Variants in TAOK1 observed in about 807,000 individuals in gnomAD.
TAOK1 encodes TAO kinase 1.
TAOK1 carries 21 observed loss-of-function variants against 138.3 expected under a neutral mutation model. The ratio of observed to expected loss-of-function variants is 0.15; its 90% CI spans 0.11 to 0.22. The LOEUF (loss-of-function observed/expected upper bound fraction) is 0.22. Among genes scored for constraint, TAOK1 ranks in the 10% least tolerant of loss-of-function variants. The probability of loss-of-function intolerance (pLI) is 1.00; values close to 1 mark genes in which losing one functional copy is unlikely to be tolerated. For synonymous variants in TAOK1, 361 were observed against 398.4 expected, an observed-to-expected ratio of 0.91 and a Z score of 1.12; for missense variants, 651 against 1,227.7, an observed-to-expected ratio of 0.53 and a Z score of 7.02.
chr17:29,462,360 A>G (rs1392406036), intron 2 of TAOK1, among the ~76,000 whole-genome samples: 1 of 152,226 alleles, frequency 6.6e-6, no homozygotes, highest in Non-Finnish European at 1.5e-5. Context: ...TTAGTTTCCA[A>G]CACCTTAAAT....
At chr17:29,474,593 G>A (rs2030899684) in intron 3 of TAOK1, among the ~76,000 whole-genome samples, 1 of 152,174 alleles carries the variant, frequency 6.6e-6, no homozygotes, top group African/African-American at 2.4e-5. Flanking sequence ...GTGGAACTGT[G>A]AGAATACATG....
intron 7 of TAOK1, among the ~76,000 whole-genome samples, 200 bp downstream of exon 7, chr17:29,480,681 C>T (rs544813440): frequency 6.6e-6 from 1 of 151,820 alleles, no homozygotes; most frequent in Admixed American, 6.6e-5. Flanking sequence ...CCAGCCTGGC[C>T]AACATGGTGA....
intron 19 of TAOK1, 147 bp from the exon 20 acceptor site, chr17:29,542,414 A>G (rs1267249047): frequency 1.5e-6 from 1 of 659,510 alleles, no homozygotes; most frequent in Non-Finnish European, 2.3e-6. Context: ...AATAAATTAA[A>G]GGGAAAAAGT....
chr17:29,503,178 C>G (rs189173015), intron 13 of TAOK1, among the ~76,000 whole-genome samples: 2 of 151,918 alleles, frequency 1.3e-5, no homozygotes, highest in East Asian at 3.9e-4. Flanking sequence ...GGGCGGATCA[C>G]GAGGTCAGGA....
chr17:29,511,163 C>T (rs2153029615), intron 15 of TAOK1, 171 bp downstream of exon 15: 1 of 411,214 alleles, frequency 2.4e-6, no homozygotes, highest in Non-Finnish European at 4.3e-6. Context: ...TTAACTGAGT[C>T]ATTTAGTTGA....
At chr17:29,397,312 G>A (rs1367320788) in intron 1 of TAOK1, among the ~76,000 whole-genome samples, 2 of 144,664 alleles carry the variant, frequency 1.4e-5, no homozygotes, top group Non-Finnish European at 3.1e-5. Context: ...TAATAAAAAA[G>A]TTAAAAAATG....
At chr17:29,465,511 TTA>T (rs2030640636) in intron 2 of TAOK1, among the ~76,000 whole-genome samples, 1 of 151,134 alleles carries the variant, frequency 6.6e-6, no homozygotes, top group Non-Finnish European at 1.5e-5. Flanking sequence ...TGTCCTTTTT[TTA>T]AAAAAAAAGT....
At chr17:29,421,372 C>T (rs906059458) in intron 1 of TAOK1, among the ~76,000 whole-genome samples, 1 of 152,124 alleles carries the variant, frequency 6.6e-6, no homozygotes, top group African/African-American at 2.4e-5. Context: ...TACATTATAT[C>T]TGTTTGAGAT....
At chr17:29,446,496 C>T (rs1567720617) in intron 1 of TAOK1, among the ~76,000 whole-genome samples, 1 of 152,104 alleles carries the variant, frequency 6.6e-6, no homozygotes, top group African/African-American at 2.4e-5. Context: ...CTGCCTTGGC[C>T]TCCCAAAGTG....
chr17:29,489,045 T>C (rs1423047603), intron 8 of TAOK1, among the ~76,000 whole-genome samples: 1 of 152,206 alleles, frequency 6.6e-6, no homozygotes, highest in Non-Finnish European at 1.5e-5. Context: ...GTAGTTTGAA[T>C]GTAGTGTAGT....
At position 29,546,499 on chromosome 17, in the gene TAOK1, A is replaced by G. The variant is rs147755041; in HGVS notation, c.*3477A>G. The G allele has an allele frequency of 5.9e-5, 9 of 152,234 alleles. No individual in the cohort carries two copies. The highest frequency in any genetic ancestry group is 5.9e-4 in the Admixed American group (9 of 15,290). The allele number at this position is 152,234 out of a possible 1,614,324, so 9.4% of individuals were successfully genotyped here. On this transcript the variant is annotated 3_prime_UTR_variant, in exon 20 of 20. Coordinates refer to ENST00000261716, the MANE Select transcript of TAOK1 (RefSeq NM_020791.4). ...GTCTGGCATTTTAAACTTTTGTAGAATACATTATGTTGGACACTGGAATAA... is the reference window on the plus strand; with the variant it reads ...GTCTGGCATTTTAAACTTTTGTAGAGTACATTATGTTGGACACTGGAATAA...
At chr17:29,436,354 G>C (rs11652977) in intron 1 of TAOK1, among the ~76,000 whole-genome samples, 2 of 151,914 alleles carry the variant, frequency 1.3e-5, no homozygotes, top group East Asian at 3.9e-4. Context: ...CAATATTCCA[G>C]CCAAAAGTCA....
At chr17:29,507,425 G>A (rs1368588666) in intron 13 of TAOK1, among the ~76,000 whole-genome samples, 1 of 151,968 alleles carries the variant, frequency 6.6e-6, no homozygotes, top group Non-Finnish European at 1.5e-5. Context: ...TTTTATATAT[G>A]ACATAAGTGA....
chr17:29,529,060 C>G (rs2032061255), intron 17 of TAOK1, among the ~76,000 whole-genome samples: 1 of 149,926 alleles, frequency 6.7e-6, no homozygotes, highest in Non-Finnish European at 1.5e-5. Context: ...CAGCCTTGAA[C>G]TCCTGGGCTC....
intron 3 of TAOK1, among the ~76,000 whole-genome samples, chr17:29,469,680 A>G (rs887379810): frequency 1.3e-5 from 2 of 152,216 alleles, no homozygotes; most frequent in African/African-American, 4.8e-5. Context: ...GGGTGTATGT[A>G]TATCTACATA....
chr17:29,453,686 C>T (rs2030302121), intron 2 of TAOK1, among the ~76,000 whole-genome samples: 1 of 151,670 alleles, frequency 6.6e-6, no homozygotes, highest in South Asian at 2.1e-4. Context: ...AAGCAATTCT[C>T]CTGCCTCAAC....
At chr17:29,420,778 T>A (rs1278614335) in intron 1 of TAOK1, among the ~76,000 whole-genome samples, 1 of 151,782 alleles carries the variant, frequency 6.6e-6, no homozygotes. Context: ...AGAGACAGGG[T>A]TTCTCCATGT....
chr17:29,440,199 A>G (rs1250611473), intron 1 of TAOK1, among the ~76,000 whole-genome samples: 1 of 152,196 alleles, frequency 6.6e-6, no homozygotes, highest in Non-Finnish European at 1.5e-5. Flanking sequence ...CACACGAGCA[A>G]TGTTAATTTT....
At chr17:29,459,232 T>C (rs1024925735) in intron 2 of TAOK1, among the ~76,000 whole-genome samples, 2 of 152,198 alleles carry the variant, frequency 1.3e-5, no homozygotes, top group African/African-American at 2.4e-5. Context: ...GGGGTAAATT[T>C]GGAGTTCATT....
Sources: gnomAD v4.1 joint callset for allele counts (sites outside exome capture counted in the v4.1 genomes callset) on GRCh38, gnomAD v4.1.1 for gene constraint, MANE v1.5 for transcripts, NCBI Gene and HGNC (gene_info 2026-07-23, HGNC 2026-07-21) for gene names.